SPAG16: variants seen among roughly 807,000 people sequenced by gnomAD.
The protein encoded by SPAG16 is sperm-associated antigen 16 protein.
SPAG16 carries 86 observed loss-of-function variants against 80.4 expected under a neutral mutation model. That is an observed-to-expected ratio of 1.07 (90% CI 0.90 to 1.28). SPAG16 has a LOEUF of 1.28. SPAG16 is among the 50% of genes most tolerant of loss of function. The probability of loss-of-function intolerance (pLI) is 0.00; values close to 1 mark genes in which losing one functional copy is unlikely to be tolerated. For missense variants in SPAG16, 870 were observed against 765.3 expected, an observed-to-expected ratio of 1.14 and a Z score of -1.61; for synonymous variants, 294 against 265.9, an observed-to-expected ratio of 1.11 and a Z score of -1.03.
chr2:213,734,027 C>G lies in SPAG16; in HGVS notation c.1071-128458C>G, dbSNP rs113217854. ...ACTAGATTTAGAAGTTCACATCACACTGAGACTCACTGTGATTCTCTGTGA... is the reference window on the plus strand; with the variant it reads ...ACTAGATTTAGAAGTTCACATCACAGTGAGACTCACTGTGATTCTCTGTGA... On this transcript the variant is annotated intron_variant, in intron 10 of 15. Coordinates refer to ENST00000331683, the MANE Select transcript of SPAG16 (RefSeq NM_024532.5). Among the ~76,000 whole-genome samples the G allele has an allele frequency of 2.0e-5, 3 of 152,294 alleles. No individual in the cohort carries two copies. In the South Asian group the frequency reaches 6.2e-4, roughly 32 times the overall value.
chr2:213,420,346 A>G (rs1052399848), intron 9 of SPAG16, among the ~76,000 whole-genome samples: 1 of 152,144 alleles, frequency 6.6e-6, no homozygotes. Context: ...TATACTTTAT[A>G]TGTTGCATTT....
chr2:213,382,210 T>A (rs1315178684), intron 9 of SPAG16, among the ~76,000 whole-genome samples: 1 of 152,226 alleles, frequency 6.6e-6, no homozygotes, highest in Non-Finnish European at 1.5e-5. Flanking sequence ...CTAGCACAAT[T>A]TAAATTATAA....
At chr2:213,704,397 T>G (rs1352229835) in intron 10 of SPAG16, among the ~76,000 whole-genome samples, 3 of 152,122 alleles carry the variant, frequency 2.0e-5, no homozygotes, top group Admixed American at 2.0e-4. Flanking sequence ...AAAGGATAAG[T>G]AACATATAGC....
chr2:213,439,278 A>G (rs2070805131), intron 9 of SPAG16, among the ~76,000 whole-genome samples: 1 of 151,960 alleles, frequency 6.6e-6, no homozygotes, highest in Admixed American at 6.6e-5. Context: ...TAAATATCTT[A>G]AAAAGGGGAG....
chr2:213,742,369 T>C (rs2067594522), intron 10 of SPAG16, among the ~76,000 whole-genome samples: 1 of 152,134 alleles, frequency 6.6e-6, no homozygotes, highest in South Asian at 2.1e-4. Context: ...CATGTTACTA[T>C]TGTATATTTT....
At chr2:214,306,272 T>C (rs1213640593) in intron 15 of SPAG16, among the ~76,000 whole-genome samples, 1 of 152,178 alleles carries the variant, frequency 6.6e-6, no homozygotes, top group Non-Finnish European at 1.5e-5. Context: ...AAAGAAGCTT[T>C]GGGGCTGAGA....
rs1381491569 is a variant in SPAG16, at chr2:213,991,103, A to G, written c.1401-22848A>G. 2.6e-5 allele frequency among the ~76,000 whole-genome samples: 4 copies of G among 152,092 alleles called. No homozygotes were observed. The East Asian group carries it at 5.8e-4, about 22-fold the overall frequency. On this transcript the variant is annotated intron_variant, in intron 12 of 15. Coordinates refer to ENST00000331683, the MANE Select transcript of SPAG16 (RefSeq NM_024532.5). ...ACGTGCCATGGTGGTTTGCTCACCC[A>G]TCAACCCATCATCTACATTAGGTAT...
At chr2:214,001,693 G>A (rs562045116) in intron 12 of SPAG16, among the ~76,000 whole-genome samples, 5 of 152,168 alleles carry the variant, frequency 3.3e-5, no homozygotes, top group South Asian at 2.1e-4. Flanking sequence ...ATACCTTGAT[G>A]GTACGGATGA....
intron 10 of SPAG16, among the ~76,000 whole-genome samples, chr2:213,511,166 T>G (rs1046391117): frequency 2.6e-5 from 4 of 151,884 alleles, no homozygotes; most frequent in Non-Finnish European, 5.9e-5. Flanking sequence ...GGTATTCAGA[T>G]TTTACACATT....
At chr2:214,180,888 A>G (rs1406913341) in intron 15 of SPAG16, among the ~76,000 whole-genome samples, 3 of 151,590 alleles carry the variant, frequency 2.0e-5, no homozygotes, top group Non-Finnish European at 4.4e-5. Flanking sequence ...CCTAGTTTAA[A>G]CTCATGCCAA....
intron 10 of SPAG16, among the ~76,000 whole-genome samples, chr2:213,680,821 T>C (rs1175890950): frequency 6.6e-6 from 1 of 152,164 alleles, no homozygotes; most frequent in Non-Finnish European, 1.5e-5. Flanking sequence ...GAGACATCAG[T>C]CAAATACACT....
intron 15 of SPAG16, among the ~76,000 whole-genome samples, chr2:214,196,440 C>G (rs1383157582): frequency 1.3e-5 from 2 of 151,978 alleles, no homozygotes; most frequent in African/African-American, 4.8e-5. Flanking sequence ...AGAGGCCATC[C>G]GTATTGACTG....
chr2:213,344,531 TC>T lies in SPAG16; in HGVS notation c.644+4264del, dbSNP rs1260302067. Among the ~76,000 whole-genome samples, 3 of 152,074 alleles carry T rather than the reference TC, an allele frequency of 2.0e-5. No homozygotes were observed. The East Asian group carries it at 5.8e-4, about 29-fold the overall frequency. On this transcript the variant is annotated intron_variant, in intron 6 of 15. Transcript: ENST00000331683. ...TCTCCTAATGCTATCCCTCTCCACT[TC>T]CCACACCCCACAACAGGCCCCGGTA...
At chr2:214,181,318 G>A (rs1327366275) in intron 15 of SPAG16, among the ~76,000 whole-genome samples, 1 of 151,750 alleles carries the variant, frequency 6.6e-6, no homozygotes, top group Non-Finnish European at 1.5e-5. Context: ...AATGAACAGA[G>A]AAAAGGGAAG....
chr2:214,359,318 GC>G (rs1403742154), intron 15 of SPAG16, among the ~76,000 whole-genome samples: 1 of 151,804 alleles, frequency 6.6e-6, no homozygotes, highest in Admixed American at 6.6e-5. Flanking sequence ...ACTCAGGTCT[GC>G]CTGACTGCAG....
intron 10 of SPAG16, among the ~76,000 whole-genome samples, chr2:213,520,086 AAGAG>A (rs35798649): frequency 0.011 from 1,647 of 148,518 alleles, 18 homozygotes; most frequent in Middle Eastern, 0.017. Flanking sequence ...GAGCAAGAGC[AAGAG>A]AGAGAGAGAG....
intron 14 of SPAG16, among the ~76,000 whole-genome samples, chr2:214,122,287 G>A (rs976925883): frequency 1.3e-5 from 2 of 151,570 alleles, no homozygotes; most frequent in East Asian, 1.9e-4. Flanking sequence ...GGAGTATTTT[G>A]TTTCTTTTAT....
chr2:213,926,911 C>T (rs574899887), intron 11 of SPAG16, among the ~76,000 whole-genome samples: 7 of 152,236 alleles, frequency 4.6e-5, no homozygotes, highest in South Asian at 2.1e-4. Flanking sequence ...ATACCAACAG[C>T]GTGGATCTAC....
chr2:213,316,415 G>A (rs2063402235), intron 4 of SPAG16, among the ~76,000 whole-genome samples: 2 of 152,038 alleles, frequency 1.3e-5, no homozygotes, highest in South Asian at 4.1e-4. Flanking sequence ...GCAATAGCCT[G>A]CTAACTGGTC....
Sources: gnomAD v4.1 joint callset for allele counts (sites outside exome capture counted in the v4.1 genomes callset) on GRCh38, gnomAD v4.1.1 for gene constraint, MANE v1.5 for transcripts, NCBI Gene and HGNC (gene_info 2026-07-23, HGNC 2026-07-21) for gene names.